FASN: variants seen among roughly 807,000 people sequenced by gnomAD.
The protein encoded by FASN is 3-hydroxyacyl-[acyl-carrier-protein] dehydratase.
In FASN, 50 loss-of-function variants were observed where a neutral mutation model predicts 250.0. That is an observed-to-expected ratio of 0.20 (90% confidence interval 0.16 to 0.25). The LOEUF is 0.25. Among genes scored for constraint, FASN ranks in the 10% least tolerant of loss-of-function variants. The probability of loss-of-function intolerance (pLI) is 1.00; values close to 1 mark genes in which losing one functional copy is unlikely to be tolerated. For synonymous variants in FASN, 1,909 were observed against 1,584.0 expected, an observed-to-expected ratio of 1.21 and a Z score of -4.87; for missense variants, 3,031 against 3,498.5, an observed-to-expected ratio of 0.87 and a Z score of 3.37.
chr17:82,095,614 G>C (rs542510425), intron 2 of FASN, 142 bp from the exon 3 acceptor site: 1 of 1,044,274 alleles, frequency 9.6e-7, no homozygotes, highest in Non-Finnish European at 1.4e-6. Flanking sequence ...AATGGAGCAG[G>C]CTCCCCAGGA....
At position 82,090,525 on chromosome 17, in the gene FASN, G is replaced by A. The variant is rs1290576648; in HGVS notation, c.1720C>T (p.Pro574Ser). The A allele has an allele frequency of 3.7e-6, 6 of 1,611,804 alleles. No homozygotes were observed. The highest frequency in any genetic ancestry group is 5.1e-6 in the Non-Finnish European group (6 of 1,179,628). The stretch of plus-strand genomic sequence containing the variant: ...AGGGAGTGGCCGACGATGCCATCTG[G>A]CCTCAGCCCCATGCAGCTCAGCAGG... ...IDLLSCMGLR[P>S]DGIVGHSLGE... The change falls in exon 11 of 43, where the codon CCA becomes TCA. Residue 574 changes from proline to serine, a missense_variant. Transcript: ENST00000306749.
rs765996191 is a variant in FASN, at chr17:82,086,463, G to T, written c.3523C>A (p.Gln1175Lys). ...DGAQIPRDPS[Q>K]QELPRLLSAA... is the part of the protein sequence containing the mutation. ...GACAACAGCCGGGGCAGTTCCTGCT[G>T]TGAGGGGTCCCGGGGGATCTGGGCC... The change falls in exon 22 of 43, where the codon CAG becomes AAG. Residue 1175 changes from glutamine (Q) to lysine (K), a missense_variant. Gln to Lys is a moderately conservative substitution (Grantham distance 53, BLOSUM62 1). Coordinates refer to ENST00000306749, the MANE Select transcript of FASN (RefSeq NM_004104.5). 5.3e-5 allele frequency: 86 copies of T among 1,612,364 alleles called. No individual in the cohort carries two copies. The highest frequency in any genetic ancestry group is 6.9e-5 in the Non-Finnish European group (81 of 1,179,972).
chr17:82,093,226 G>A lies in FASN; in HGVS notation c.648C>T (p.Asp216=), dbSNP rs2034244809. The A allele has an allele frequency of 1.3e-6, 2 of 1,581,346 alleles. No individual in the cohort carries two copies. The highest frequency in any genetic ancestry group is 2.3e-5 in the East Asian group (1 of 43,484). ...GCGCAGCCGCACACTCACCCGCTGT[G>A]TCGAAGGCCTTGCAGGTGCCCTCGG... ...LSPEGTCKAF[D]TAGNGYCRSE... The change falls in exon 5 of 43, where the codon GAC becomes GAT. Residue 216 remains aspartate (D), a synonymous_variant. Transcript: ENST00000306749.
chr17:82,088,478 C>A lies in FASN; in HGVS notation c.2505G>T (p.Lys835Asn). 1 of 1,611,136 alleles carries A rather than the reference C, an allele frequency of 6.2e-7. No individual in the cohort carries two copies. Among genetic ancestry groups the A allele is most frequent in the Non-Finnish European group, 8.5e-7 (1 of 1,178,712 alleles). ...RGTPLISPLI[K>N]WDHSLAWDVP... ...CGTCCCAGGCCAGGCTGTGGTCCCACTTGATGAGTGGGGAGATGAGGGGAG... is the reference window on the plus strand; with the variant it reads ...CGTCCCAGGCCAGGCTGTGGTCCCAATTGATGAGTGGGGAGATGAGGGGAG... Residue 835 changes from lysine to asparagine, a missense_variant, in exon 16 of 43, where the codon AAG (lysine) becomes AAT (asparagine). Transcript: ENST00000306749.
chr17:82,084,380 C>T lies in FASN; in HGVS notation c.4773G>A (p.Lys1591=), dbSNP rs1270356465. 2 of 1,606,200 alleles carry T rather than the reference C, an allele frequency of 1.2e-6. No individual in the cohort carries two copies. Among genetic ancestry groups the T allele is most frequent in the East Asian group, 2.2e-5 (1 of 44,562 alleles). The change falls in exon 28 of 43, where the codon AAG becomes AAA. Residue 1591 remains lysine (K), a synonymous_variant. Coordinates refer to ENST00000306749, the MANE Select transcript of FASN (RefSeq NM_004104.5). The part of the protein sequence containing the change: ...GKLSPDAIPG[K]WTSQDSLLGM... ...CTAGCAGGCTGTCCTGGGAGGTCCACTTCCCTGGGGGAGACGGCACTGAGC... is the reference window on the plus strand; with the variant it reads ...CTAGCAGGCTGTCCTGGGAGGTCCATTTCCCTGGGGGAGACGGCACTGAGC...
Position 82,096,433 on chromosome 17 carries a change from C to A in FASN, c.13G>T (p.Val5Leu), listed in dbSNP as rs2034304793. ...AGCTTCCCGGACATGCCGGCAATCA[C>A]CACCTCCTCCATGGCTGCTCTGCAG... Reference protein sequence around the residue: MEEVVIAGMSGKLPE... With the variant: MEEVLIAGMSGKLPE... The change falls in exon 2 of 43, where the codon GTG (valine) becomes TTG (leucine). Residue 5 changes from valine to leucine, a missense_variant. Coordinates refer to ENST00000306749, the MANE Select transcript of FASN (RefSeq NM_004104.5). 6.2e-7 allele frequency: 1 copy of A among 1,612,322 alleles called. No homozygotes were observed. The highest frequency in any genetic ancestry group is 8.5e-7 in the Non-Finnish European group (1 of 1,179,990).
At chr17:82,096,265 A>C in intron 2 of FASN, 54 bp downstream of exon 2, 1 of 1,605,982 alleles carries the variant, frequency 6.2e-7, no homozygotes, top group Non-Finnish European at 8.5e-7. Context: ...TGTGAGGACA[A>C]AGGTGGAGAT....
chr17:82,094,156 C>T (rs560391945), intron 3 of FASN: 30 of 357,750 alleles, frequency 8.4e-5, no homozygotes, highest in East Asian at 7.0e-4. Context: ...ATGAGCCCGT[C>T]GGCCAGTGGC....
chr17:82,089,275 G>A lies in FASN; in HGVS notation c.2075C>T (p.Pro692Leu), dbSNP rs752014780. The A allele has an allele frequency of 1.2e-6, 2 of 1,612,710 alleles. No individual in the cohort carries two copies. Among genetic ancestry groups the A allele is most frequent in the Non-Finnish European group, 1.7e-6 (2 of 1,179,930 alleles). The change falls in exon 13 of 43, where the codon CCC (proline) becomes CTC (leucine). Residue 692 changes from proline to leucine, a missense_variant. Physicochemically the swap from Pro to Leu is moderately conservative, Grantham distance 98. Coordinates refer to ENST00000306749, the MANE Select transcript of FASN (RefSeq NM_004104.5). ...CTTCTTGAGCTCCTGCAGCAGTGGG[G>A]GTGCGATGGCCTCCATGAAGTAGGA... ...FHSYFMEAIA[P>L]PLLQELKKVI...
chr17:82,091,808 TC>T, intron 8 of FASN, 124 bp from the exon 9 acceptor site: 1 of 869,286 alleles, frequency 1.2e-6, no homozygotes, highest in South Asian at 1.8e-5. Context: ...CCGATGCACT[TC>T]CTGTCCCCAA....
rs2033948838 is a variant in FASN at position 82,079,441 on chromosome 17, C to T, written c.7314G>A (p.Lys2438=). Residue 2438 remains lysine, a synonymous_variant, in exon 42 of 43, where the codon AAG becomes AAA. Transcript: ENST00000306749. ...RAAEQYTPKA[K]YHGNVMLLRA... is the part of the protein sequence containing the mutation. ...GCAGTAGCATCACGTTGCCATGGTA[C>T]TTGGCCTTGGGTGTGTACTGCTCAG... 1 of 1,613,064 alleles carries T rather than the reference C, an allele frequency of 6.2e-7. No individual in the cohort carries two copies. Among genetic ancestry groups the T allele is most frequent in the Non-Finnish European group, 8.5e-7 (1 of 1,180,002 alleles).
At chr17:82,093,831 AC>A in intron 3 of FASN, 60 bp from the exon 4 acceptor site, 1 of 1,169,788 alleles carries the variant, frequency 8.5e-7, no homozygotes, top group Non-Finnish European at 1.1e-6. Context: ...CAGCCCACCC[AC>A]CCACCCGGCT....
At position 82,091,376 on chromosome 17, in the gene FASN, C is replaced by A. The variant is rs762252621; in HGVS notation, c.1338G>T (p.Gln446His). ...KLLEQGLRHS[Q>H]DLAFLSMLND... ...TCAGCATGCTCAGGAAAGCCAGGTC[C>A]TGGCTGTGCCGGAGGCCCTGCTCCA... is the stretch of plus-strand genomic sequence containing the variant. The change falls in exon 9 of 43, where the codon CAG becomes CAT. Residue 446 changes from glutamine (Q) to histidine (H), a missense_variant. Physicochemically the swap from Gln to His is conservative, Grantham distance 24 (BLOSUM62 0). Coordinates refer to ENST00000306749, the MANE Select transcript of FASN (RefSeq NM_004104.5). 6.2e-7 allele frequency: 1 copy of A among 1,611,188 alleles called. No homozygotes were observed. Among genetic ancestry groups the A allele is most frequent in the Non-Finnish European group, 8.5e-7 (1 of 1,179,376 alleles).
In FASN at chr17:82,082,920, G is replaced by T; in HGVS notation, c.5761C>A (p.Arg1921=). The change falls in exon 33 of 43, where the codon CGG becomes AGG. Residue 1921 remains arginine (R), a synonymous_variant. Transcript: ENST00000306749. ...KLVLTSRSGI[R]TGYQAKQVRR... ...AGCACCCCTGCCGACTCACCTGTCC[G>T]GATCCCGGAGCGAGAAGTCAACACG... 1 of 1,612,692 alleles carries T rather than the reference G, an allele frequency of 6.2e-7. No homozygotes were observed. The highest frequency in any genetic ancestry group is 2.2e-5 in the East Asian group (1 of 44,870).
rs774261479 is a variant in FASN, at chr17:82,091,688, C to T, written c.1030-4G>A. 38 of 1,569,476 alleles carry T rather than the reference C, an allele frequency of 2.4e-5. No homozygotes were observed. The highest frequency in any genetic ancestry group is 1.1e-4 in the African/African-American group (8 of 74,388). ...CGTGCTCCAGGGACAGCAGCACCTG[C>T]GGGGGTACGTGGTGGATGGGCAGCC... On this transcript the variant is annotated splice_region_variant and splice_polypyrimidine_tract_variant and intron_variant, in intron 8 of 42. Transcript: ENST00000306749.
Position 82,092,785 on chromosome 17 carries a change from T to G in FASN, c.806A>C (p.Gln269Pro). The G allele has an allele frequency of 6.2e-7, 1 of 1,603,960 alleles. No individual in the cohort carries two copies. Among genetic ancestry groups the G allele is most frequent in the South Asian group, 1.1e-5 (1 of 89,624 alleles). ...QGVTFPSGDI[Q>P]EQLIRSLYQS... Reference sequence around the variant, plus strand: ...GTACAACGAGCGGATGAGCTGCTCCTGGATATCCCCTGAGGGGAAGGTCAC... The same window carrying G: ...GTACAACGAGCGGATGAGCTGCTCCGGGATATCCCCTGAGGGGAAGGTCAC... The change falls in exon 7 of 43, where the codon CAG (glutamine) becomes CCG (proline). Residue 269 changes from glutamine to proline, a missense_variant. Coordinates refer to ENST00000306749, the MANE Select transcript of FASN (RefSeq NM_004104.5).
Position 82,084,359 on chromosome 17 carries a change from C to T in FASN, c.4794G>A (p.Leu1598=). The T allele has an allele frequency of 6.2e-7, 1 of 1,608,166 alleles. No individual in the cohort carries two copies. The highest frequency in any genetic ancestry group is 8.5e-7 in the Non-Finnish European group (1 of 1,177,982). ...CTCGGCCCGAGAACTCCATACCTAG[C>T]AGGCTGTCCTGGGAGGTCCACTTCC... is the stretch of plus-strand genomic sequence containing the variant. The part of the protein sequence containing the change: ...IPGKWTSQDS[L]LGMEFSGRDA... The change falls in exon 28 of 43, where the codon CTG becomes CTA. Residue 1598 remains leucine, a synonymous_variant. Coordinates refer to ENST00000306749, the MANE Select transcript of FASN (RefSeq NM_004104.5).
chr17:82,095,725 A>G (rs1023369021), intron 2 of FASN, among the ~76,000 whole-genome samples: 1 of 152,172 alleles, frequency 6.6e-6, no homozygotes, highest in African/African-American at 2.4e-5. Flanking sequence ...CAGAGCAGAG[A>G]GCTCGGCGGG....
At position 82,096,470 on chromosome 17, in the gene FASN, T is replaced by C; in HGVS notation, c.-7-18A>G. ...TGGCTGCTCTGCAGGGCGGGCGGTG[T>C]GAGTGCCCCACACATCCCGGCCACG... On this transcript the variant is annotated intron_variant, in intron 1 of 42. Transcript: ENST00000306749. 6.2e-7 allele frequency: 1 copy of C among 1,609,034 alleles called. No homozygotes were observed. The highest frequency in any genetic ancestry group is 8.5e-7 in the Non-Finnish European group (1 of 1,179,860).
Sources: gnomAD v4.1 joint callset for allele counts (sites outside exome capture counted in the v4.1 genomes callset) on GRCh38, gnomAD v4.1.1 for gene constraint, MANE v1.5 for transcripts, NCBI Gene and HGNC (gene_info 2026-07-23, HGNC 2026-07-21) for gene names.